TMEM232: variants seen among roughly 807,000 people sequenced by gnomAD.
TMEM232 encodes transmembrane protein 232.
A neutral mutation model predicts 78.8 loss-of-function variants in TMEM232; 80 were observed. That is an observed-to-expected ratio of 1.01 (90% confidence interval 0.85 to 1.22). The LOEUF (loss-of-function observed/expected upper bound fraction) is 1.22, where lower values mean the gene tolerates loss of function less well. Ranked by LOEUF, TMEM232 falls within the 50% of genes most tolerant of loss-of-function variation. The probability of loss-of-function intolerance (pLI) is 0.00; values close to 1 mark genes in which losing one functional copy is unlikely to be tolerated. For missense variants in TMEM232, 881 were observed against 742.2 expected (o/e 1.19, Z -2.17); for synonymous variants, 297 against 254.3 (o/e 1.17, Z -1.60).
At chr5:110,506,277 GTTTGT>G (rs1418865283) in intron 12 of TMEM232, among the ~76,000 whole-genome samples, 1 of 151,916 alleles carries the variant, frequency 6.6e-6, no homozygotes, top group African/African-American at 2.4e-5. Context: ...GGTTGTTTTT[GTTTGT>G]TTTGTTTGTT....
intron 10 of TMEM232, among the ~76,000 whole-genome samples, chr5:110,604,554 C>T (rs964628206): frequency 3.9e-5 from 6 of 152,152 alleles, no homozygotes; most frequent in African/African-American, 1.2e-4. Flanking sequence ...AAATAAACTT[C>T]ATATACACCA....
chr5:110,495,721 TGA>T (rs1765570217), intron 12 of TMEM232, among the ~76,000 whole-genome samples: 1 of 151,806 alleles, frequency 6.6e-6, no homozygotes, highest in South Asian at 2.1e-4. Context: ...CAGACATTGC[TGA>T]GATACTATGA....
At chr5:110,703,504 G>C (rs1016917246) in intron 1 of TMEM232, among the ~76,000 whole-genome samples, 1 of 152,006 alleles carries the variant, frequency 6.6e-6, no homozygotes, top group Non-Finnish European at 1.5e-5. Flanking sequence ...GGATCTCAAG[G>C]TTGTTTCTCT....
chr5:110,398,804 C>G (rs1296713482), intron 2 of TMEM232, among the ~76,000 whole-genome samples: 1 of 151,888 alleles, frequency 6.6e-6, no homozygotes. Context: ...GCTGTAATTA[C>G]TAGTGGTGTT....
chr5:110,400,698 T>C (rs771923648), intron 2 of TMEM232, among the ~76,000 whole-genome samples: 55 of 152,162 alleles, frequency 3.6e-4, no homozygotes, highest in Non-Finnish European at 5.6e-4. Context: ...GTAGAATTAA[T>C]AAAATATAAA....
chr5:110,544,371 G>C (rs188429823), intron 11 of TMEM232, among the ~76,000 whole-genome samples: 18 of 149,272 alleles, frequency 1.2e-4, no homozygotes, highest in Non-Finnish European at 1.9e-4. Context: ...GGCAAAGGCT[G>C]CATTAATGCA....
intron 3 of TMEM232, among the ~76,000 whole-genome samples, chr5:110,392,237 A>G (rs1755224094): frequency 6.6e-6 from 1 of 152,210 alleles, no homozygotes; most frequent in South Asian, 2.1e-4. Flanking sequence ...AAAGAGCACA[A>G]GGAGGTATGG....
intron 12 of TMEM232, among the ~76,000 whole-genome samples, chr5:110,463,932 C>G (rs540841560): frequency 1.1e-4 from 16 of 152,328 alleles, no homozygotes; most frequent in African/African-American, 3.8e-4. Context: ...ATACTTTTCA[C>G]CTGGAGGCCT....
intron 1 of TMEM232, among the ~76,000 whole-genome samples, chr5:110,695,434 G>C (rs1294630293): frequency 6.6e-6 from 1 of 152,008 alleles, no homozygotes; most frequent in African/African-American, 2.4e-5. Context: ...CTAGCAGAAG[G>C]CAAGCAATAA....
At chr5:110,545,771 A>G (rs1262746029) in intron 11 of TMEM232, among the ~76,000 whole-genome samples, 1 of 152,232 alleles carries the variant, frequency 6.6e-6, no homozygotes, top group East Asian at 1.9e-4. Flanking sequence ...ACTCTGAATA[A>G]ATTCACATAT....
intron 5 of TMEM232, 89 bp from the exon 6 acceptor site, chr5:110,627,969 A>T (rs1415622245): frequency 2.2e-6 from 2 of 927,560 alleles, no homozygotes; most frequent in South Asian, 3.3e-5. Flanking sequence ...ATATTATTAC[A>T]TTTTCTTTTG....
intron 1 of TMEM232, among the ~76,000 whole-genome samples, chr5:110,681,357 G>A (rs952243120): frequency 6.6e-6 from 1 of 152,116 alleles, no homozygotes; most frequent in African/African-American, 2.4e-5. Flanking sequence ...AGGTGGGCAG[G>A]AATGCTAGGT....
intron 12 of TMEM232, among the ~76,000 whole-genome samples, chr5:110,528,042 A>T (rs904777676): frequency 5.3e-5 from 8 of 151,964 alleles, no homozygotes; most frequent in African/African-American, 1.9e-4. Context: ...GAGCCTAAGA[A>T]TCTGAAAGAA....
chr5:110,442,858 T>A (rs566872983), intron 12 of TMEM232, among the ~76,000 whole-genome samples: 65 of 152,176 alleles, frequency 4.3e-4, no homozygotes, highest in Admixed American at 1.0e-3. Context: ...TCCTTGATTG[T>A]CTTAGATAAA....
rs911189233 is a variant in TMEM232 at position 110,495,818 on chromosome 5, GT to G, written c.1703+32769del. Among the ~76,000 whole-genome samples the G allele has an allele frequency of 3.7e-3, 557 of 149,856 alleles. 8 individuals are homozygous for G. Among genetic ancestry groups the G allele is most frequent in the African/African-American group, 0.013 (516 of 40,970 alleles). On this transcript the variant is annotated intron_variant, in intron 12 of 13. Coordinates refer to ENST00000455884, the MANE Select transcript of TMEM232 (RefSeq NM_001039763.4). ...GAACTAAAATGAAAGTGATCTTCTGGTTTTTTTTTAATAATGATAATTCTAT... is the reference window on the plus strand; with the variant it reads ...GAACTAAAATGAAAGTGATCTTCTGGTTTTTTTTAATAATGATAATTCTAT...
At chr5:110,463,938 G>T (rs1761808169) in intron 12 of TMEM232, among the ~76,000 whole-genome samples, 1 of 152,154 alleles carries the variant, frequency 6.6e-6, no homozygotes. Flanking sequence ...TTCACCTGGA[G>T]GCCTTTGTGC....
At chr5:110,440,592 C>G (rs1437297360) in intron 12 of TMEM232, among the ~76,000 whole-genome samples, 1 of 152,136 alleles carries the variant, frequency 6.6e-6, no homozygotes, top group Non-Finnish European at 1.5e-5. Flanking sequence ...GTTATCTCAA[C>G]TCTTACTACT....
At chr5:110,606,092 A>G in intron 9 of TMEM232, 72 bp downstream of exon 9, 1 of 1,436,670 alleles carries the variant, frequency 7.0e-7, no homozygotes, top group Non-Finnish European at 9.3e-7. Context: ...TACGATATAC[A>G]ATTTAAATAG....
chr5:110,430,054 C>A (rs192943348), intron 12 of TMEM232: 2 of 151,584 alleles, frequency 1.3e-5, no homozygotes, highest in Non-Finnish European at 3.0e-5. Context: ...ATAGTAGAAA[C>A]CTCAATCTGG....
Sources: allele counts gnomAD v4.1 joint callset (sites outside exome capture counted in the v4.1 genomes callset), GRCh38; gene constraint gnomAD v4.1.1; transcripts MANE v1.5; gene names NCBI Gene and HGNC (gene_info 2026-07-23, HGNC 2026-07-21).